SFI1: variants seen among roughly 807,000 people sequenced by gnomAD.
SFI1 encodes the protein protein SFI1 homolog.
Under a neutral mutation model 207.5 loss-of-function variants are expected in SFI1, and 195 were observed. That is an observed-to-expected ratio of 0.94 (90% CI 0.84 to 1.06). The LOEUF (loss-of-function observed/expected upper bound fraction) is 1.06, where lower values mean the gene tolerates loss of function less well. Ranked by LOEUF, SFI1 falls within the 50% of genes least tolerant of loss-of-function variation. SFI1 has a pLI of 0.00. For synonymous variants in SFI1, 630 were observed against 598.9 expected (o/e 1.05, Z -0.76); for missense variants, 1,634 against 1,588.0 (o/e 1.03, Z -0.49).
chr22:31,542,557 G>T (rs1044462090), intron 4 of SFI1, among the ~76,000 whole-genome samples: 1 of 152,102 alleles, frequency 6.6e-6, no homozygotes, highest in Admixed American at 6.6e-5. Context: ...GAACCCGGGA[G>T]GCGGAGGTTG....
At chr22:31,568,246 A>G (rs2062588599) in intron 8 of SFI1, among the ~76,000 whole-genome samples, 1 of 140,772 alleles carries the variant, frequency 7.1e-6, no homozygotes, top group Non-Finnish European at 1.5e-5. Context: ...TTTTACCATA[A>G]ATGCATTTCT....
chr22:31,611,028 T>C, intron 22 of SFI1, 115 bp from the exon 23 acceptor site: 1 of 1,379,696 alleles, frequency 7.2e-7, no homozygotes, highest in Non-Finnish European at 1.0e-6. Flanking sequence ...CCATGTGGGC[T>C]GGACACCTGA....
Position 31,613,144 on chromosome 22 carries a change from G to A in SFI1, c.2493G>A (p.Leu831=), listed in dbSNP as rs748268302. The A allele has an allele frequency of 1.2e-6, 2 of 1,613,364 alleles. No individual in the cohort carries two copies. The highest frequency in any genetic ancestry group is 3.3e-5 in the Admixed American group (2 of 60,022). ...TGATCTGGTCTTTCTGGCCCTAGCT[G>A]GCAGCCAGGAGGCAGGAGCAGCGGG... ...RTCFRQWRQQ[L]AARRQEQRAT... The change falls in exon 25 of 33, where the codon CTG becomes CTA. Residue 831 remains leucine (L), a splice_region_variant and synonymous_variant. Transcript: ENST00000400288.
intron 1 of SFI1, among the ~76,000 whole-genome samples, chr22:31,497,808 C>T (rs949648896): frequency 2.6e-5 from 4 of 152,146 alleles, no homozygotes; most frequent in African/African-American, 9.7e-5. Context: ...AGCCTACTAT[C>T]GAGACCTACT....
At chr22:31,599,487 C>T (rs1794114938) in intron 15 of SFI1, among the ~76,000 whole-genome samples, 1 of 152,140 alleles carries the variant, frequency 6.6e-6, no homozygotes, top group Non-Finnish European at 1.5e-5. Context: ...CCACCACGCC[C>T]AGCTAATTTT....
At chr22:31,519,116 C>T (rs1479896678) in intron 2 of SFI1, among the ~76,000 whole-genome samples, 5 of 152,096 alleles carry the variant, frequency 3.3e-5, no homozygotes, top group Non-Finnish European at 7.3e-5. Flanking sequence ...CATAAAAATA[C>T]TACATATCAA....
intron 7 of SFI1, among the ~76,000 whole-genome samples, chr22:31,558,623 G>A (rs1368918889): frequency 1.3e-5 from 2 of 151,658 alleles, no homozygotes; most frequent in African/African-American, 4.8e-5. Flanking sequence ...GATTACAGGC[G>A]CCTGCCACCA....
intron 27 of SFI1, 124 bp from the exon 28 acceptor site, chr22:31,614,665 C>G (rs1329799396): frequency 8.9e-7 from 1 of 1,127,154 alleles, no homozygotes; most frequent in Non-Finnish European, 1.3e-6. Flanking sequence ...AGCTTACTTG[C>G]TGACCTTGGC....
chr22:31,560,640 T>A (rs901820132), intron 7 of SFI1, among the ~76,000 whole-genome samples: 9 of 151,572 alleles, frequency 5.9e-5, no homozygotes, highest in African/African-American at 1.7e-4. Context: ...TGACCTCAAG[T>A]AATCCACCTG....
intron 2 of SFI1, among the ~76,000 whole-genome samples, chr22:31,524,937 GGT>G (rs1261410707): frequency 6.6e-6 from 1 of 152,004 alleles, no homozygotes; most frequent in Non-Finnish European, 1.5e-5. Flanking sequence ...TGGGATTACA[GGT>G]GCATGCCACC....
intron 8 of SFI1, among the ~76,000 whole-genome samples, chr22:31,571,453 C>T (rs2145807514): frequency 6.6e-6 from 1 of 151,940 alleles, no homozygotes; most frequent in South Asian, 2.1e-4. Context: ...GCTGGGACTA[C>T]AGGTACACAC....
At chr22:31,579,761 T>C (rs1250625018) in intron 11 of SFI1, among the ~76,000 whole-genome samples, 1 of 152,186 alleles carries the variant, frequency 6.6e-6, no homozygotes, top group Non-Finnish European at 1.5e-5. Flanking sequence ...CTTTTAGGCA[T>C]TATTGATGGA....
intron 2 of SFI1, among the ~76,000 whole-genome samples, chr22:31,512,704 TGAGACGGAGTCTA>T (rs2055791331): frequency 6.8e-6 from 1 of 147,980 alleles, no homozygotes; most frequent in South Asian, 2.2e-4. Context: ...TTTTTTTTTT[TGAGACGGAGTCTA>T]GCTCTGTTGC....
intron 4 of SFI1, among the ~76,000 whole-genome samples, chr22:31,537,525 G>A (rs1304010300): frequency 6.6e-6 from 1 of 152,166 alleles, no homozygotes; most frequent in Non-Finnish European, 1.5e-5. Flanking sequence ...TGGTAGGCGG[G>A]TGTAGAGGAA....
chr22:31,501,203 G>C (rs1202140681), intron 1 of SFI1, among the ~76,000 whole-genome samples: 1 of 148,816 alleles, frequency 6.7e-6, no homozygotes. Flanking sequence ...ACGGAGTGTA[G>C]CTCTGTTGCC....
At chr22:31,592,796 C>T (rs1005943554) in intron 15 of SFI1, among the ~76,000 whole-genome samples, 3 of 134,032 alleles carry the variant, frequency 2.2e-5, no homozygotes, top group African/African-American at 6.1e-5. Context: ...GGGCGGCTGG[C>T]CGGGGGGAGG....
At chr22:31,504,602 C>T (rs763084541) in intron 1 of SFI1, among the ~76,000 whole-genome samples, 4 of 152,124 alleles carry the variant, frequency 2.6e-5, no homozygotes, top group Non-Finnish European at 5.9e-5. Flanking sequence ...AACAAAGTAC[C>T]ACAAACCGGG....
At chr22:31,528,314 C>T (rs2058130002) in intron 2 of SFI1, among the ~76,000 whole-genome samples, 1 of 151,530 alleles carries the variant, frequency 6.6e-6, no homozygotes, top group Admixed American at 6.6e-5. Flanking sequence ...TGCCTAGTTG[C>T]TTGGGAGGCT....
At chr22:31,615,539 A>C (rs1441301445) in intron 29 of SFI1, 1 of 389,936 alleles carries the variant, frequency 2.6e-6, no homozygotes, top group African/African-American at 2.1e-5. Context: ...GCAGGCCAGT[A>C]AAGTGGCTGC....
Sources: gnomAD v4.1 joint callset for allele counts (sites outside exome capture counted in the v4.1 genomes callset) on GRCh38, gnomAD v4.1.1 for gene constraint, MANE v1.5 for transcripts, NCBI Gene and HGNC (gene_info 2026-07-23, HGNC 2026-07-21) for gene names.